Variants in JAM3 observed in about 807,000 individuals in gnomAD.
JAM3 encodes junctional adhesion molecule C.
In JAM3, 31 loss-of-function variants were observed where a neutral mutation model predicts 39.4. The observed-to-expected ratio is 0.79, with a 90% CI of 0.59 to 1.06. The LOEUF is 1.06. JAM3 is among the 50% of genes least tolerant of loss of function. The probability of loss-of-function intolerance (pLI) is 0.00; values close to 1 mark genes in which losing one functional copy is unlikely to be tolerated. For synonymous variants in JAM3, 182 were observed against 148.7 expected (o/e 1.22, Z -1.63); for missense variants, 455 against 391.4 (o/e 1.16, Z -1.37).
intron 1 of JAM3, among the ~76,000 whole-genome samples, chr11:134,109,776 T>G (rs1942275538): frequency 6.6e-6 from 1 of 152,254 alleles, no homozygotes; most frequent in Non-Finnish European, 1.5e-5. Flanking sequence ...TAGTCAATTA[T>G]GTATTCATAT....
intron 1 of JAM3, among the ~76,000 whole-genome samples, chr11:134,107,905 AAAG>A (rs1311003188): frequency 1.3e-5 from 2 of 152,082 alleles, no homozygotes; most frequent in African/African-American, 2.4e-5. Context: ...AAAATCAGAA[AAAG>A]AACACATATT....
intron 1 of JAM3, among the ~76,000 whole-genome samples, chr11:134,090,942 C>A (rs532033222): frequency 4.6e-5 from 7 of 152,318 alleles, no homozygotes; most frequent in Admixed American, 4.6e-4. Flanking sequence ...TAACTATGCA[C>A]CATGGTTAGG....
intron 1 of JAM3, among the ~76,000 whole-genome samples, chr11:134,103,555 G>A (rs1483133857): frequency 6.6e-6 from 1 of 152,170 alleles, no homozygotes; most frequent in East Asian, 1.9e-4. Context: ...CCAATTAAAA[G>A]ACACAGTCTG....
chr11:134,078,505 T>C (rs1591768670), intron 1 of JAM3, among the ~76,000 whole-genome samples: 1 of 152,340 alleles, frequency 6.6e-6, no homozygotes, highest in African/African-American at 2.4e-5. Flanking sequence ...ACAGCTATAT[T>C]GGTTTGTCCT....
At chr11:134,106,292 A>G (rs1942184366) in intron 1 of JAM3, among the ~76,000 whole-genome samples, 1 of 152,098 alleles carries the variant, frequency 6.6e-6, no homozygotes, top group South Asian at 2.1e-4. Context: ...CTGGCTAGCC[A>G]TATGTAGAAA....
chr11:134,083,990 A>C (rs2120604674), intron 1 of JAM3, among the ~76,000 whole-genome samples: 1 of 152,308 alleles, frequency 6.6e-6, no homozygotes, highest in Non-Finnish European at 1.5e-5. Flanking sequence ...TTTTCTATGT[A>C]AAAGAAAGCT....
intron 1 of JAM3, among the ~76,000 whole-genome samples, chr11:134,115,201 C>A (rs1021304606): frequency 6.6e-6 from 1 of 152,148 alleles, no homozygotes. Context: ...AGCCACTCCA[C>A]TTTTCTTTTG....
intron 1 of JAM3, among the ~76,000 whole-genome samples, chr11:134,131,904 AGAAAAAG>A (rs1942776564): frequency 6.6e-6 from 1 of 152,202 alleles, no homozygotes; most frequent in Non-Finnish European, 1.5e-5. Context: ...AGGAGCAAAA[AGAAAAAG>A]GAAGGAAGAA....
At chr11:134,145,827 G>T in intron 5 of JAM3, 119 bp from the exon 6 acceptor site, 1 of 759,874 alleles carries the variant, frequency 1.3e-6, no homozygotes, top group Non-Finnish European at 2.4e-6. Flanking sequence ...CATGCACAGT[G>T]CTGGGGAAGC....
At chr11:134,076,398 G>T (rs929025319) in intron 1 of JAM3, among the ~76,000 whole-genome samples, 1 of 151,768 alleles carries the variant, frequency 6.6e-6, no homozygotes, top group Admixed American at 6.6e-5. Context: ...CAGGTGATCC[G>T]CCTGCCTCGG....
At chr11:134,144,465 TC>T (rs1222134085) in intron 4 of JAM3, 72 bp downstream of exon 4, 1 of 1,567,948 alleles carries the variant, frequency 6.4e-7, no homozygotes, top group Non-Finnish European at 8.8e-7. Context: ...TTGGTTTCTT[TC>T]CTTCTAGAAC....
chr11:134,138,336 GTGC>G (rs1942909352), intron 1 of JAM3, among the ~76,000 whole-genome samples: 1 of 146,286 alleles, frequency 6.8e-6, no homozygotes, highest in African/African-American at 2.6e-5. Context: ...CGAAGTCGTG[GTGC>G]TCATGCTGAG....
chr11:134,127,865 G>A (rs1379793731), intron 1 of JAM3, among the ~76,000 whole-genome samples: 1 of 152,202 alleles, frequency 6.6e-6, no homozygotes, highest in Non-Finnish European at 1.5e-5. Context: ...AGGCTGGTCA[G>A]TATTCAGGGG....
intron 1 of JAM3, among the ~76,000 whole-genome samples, chr11:134,127,385 G>T (rs932937853): frequency 6.6e-6 from 1 of 152,224 alleles, no homozygotes; most frequent in Admixed American, 6.5e-5. Context: ...TAATGCCATT[G>T]TAGTGAGTCA....
intron 1 of JAM3, among the ~76,000 whole-genome samples, chr11:134,108,645 CAT>C (rs1942249079): frequency 6.6e-6 from 1 of 152,138 alleles, no homozygotes; most frequent in African/African-American, 2.4e-5. Flanking sequence ...GTTGGTTTAA[CAT>C]ATGAAAATCA....
intron 1 of JAM3, among the ~76,000 whole-genome samples, chr11:134,101,921 G>T (rs894772571): frequency 2.0e-5 from 3 of 152,112 alleles, no homozygotes; most frequent in African/African-American, 7.2e-5. Flanking sequence ...TTAAAAATTA[G>T]GTGTGGGGTA....
intron 1 of JAM3, among the ~76,000 whole-genome samples, chr11:134,084,540 G>A (rs1941716885): frequency 6.6e-6 from 1 of 152,202 alleles, no homozygotes; most frequent in East Asian, 1.9e-4. Context: ...GAAGTGCTTA[G>A]CAGAGTACCT....
At chr11:134,102,827 A>C (rs1942101372) in intron 1 of JAM3, among the ~76,000 whole-genome samples, 1 of 151,458 alleles carries the variant, frequency 6.6e-6, no homozygotes, top group South Asian at 2.1e-4. Flanking sequence ...AAGTAAAAAG[A>C]AACAAACACA....
chr11:134,134,646 A>C (rs1410098313), intron 1 of JAM3, among the ~76,000 whole-genome samples: 1 of 152,130 alleles, frequency 6.6e-6, no homozygotes, highest in Non-Finnish European at 1.5e-5. Context: ...AGGGTTTGGG[A>C]TTCTCCACAC....
Sources: allele counts gnomAD v4.1 joint callset (sites outside exome capture counted in the v4.1 genomes callset), GRCh38; gene constraint gnomAD v4.1.1; transcripts MANE v1.5; gene names NCBI Gene and HGNC (gene_info 2026-07-23, HGNC 2026-07-21).